Variants in PCDH15 observed in about 807,000 individuals in gnomAD.
PCDH15 encodes protocadherin-15.
In PCDH15, 129 loss-of-function variants were observed where a neutral mutation model predicts 178.5. The ratio of observed to expected loss-of-function variants is 0.72; its 90% CI spans 0.63 to 0.84. PCDH15 has a LOEUF of 0.84. PCDH15 is among the 40% of genes least tolerant of loss of function. The pLI, the probability that PCDH15 is intolerant of heterozygous loss-of-function variation, is 0.00. For synonymous variants in PCDH15, 800 were observed against 732.0 expected, an observed-to-expected ratio of 1.09 and a Z score of -1.50; for missense variants, 2,230 against 2,099.9, an observed-to-expected ratio of 1.06 and a Z score of -1.21.
chr10:54,333,590 A>T (rs1368864508), intron 6 of PCDH15, among the ~76,000 whole-genome samples: 1 of 151,930 alleles, frequency 6.6e-6, no homozygotes, highest in East Asian at 1.9e-4. Context: ...AAATTAAGCA[A>T]GGGAAAAAAG....
chr10:54,088,019 A>G (rs2094542459), intron 16 of PCDH15, among the ~76,000 whole-genome samples: 1 of 152,156 alleles, frequency 6.6e-6, no homozygotes, highest in African/African-American at 2.4e-5. Flanking sequence ...CTTCCCCAGA[A>G]GCAGAGCAGG....
chr10:53,901,163 A>ATT (rs80320280), intron 26 of PCDH15, among the ~76,000 whole-genome samples: 18 of 151,282 alleles, frequency 1.2e-4, no homozygotes, highest in East Asian at 5.9e-4. Flanking sequence ...TAGTCTTCGT[A>ATT]TTTTTTTTGT....
intron 6 of PCDH15, among the ~76,000 whole-genome samples, chr10:54,330,043 T>C (rs1214070185): frequency 2.6e-5 from 4 of 151,942 alleles, no homozygotes; most frequent in African/African-American, 9.7e-5. Flanking sequence ...CATTATCTTT[T>C]CACTGTGTTC....
At chr10:54,558,586 G>T (rs1312226346) in intron 2 of PCDH15, among the ~76,000 whole-genome samples, 1 of 152,046 alleles carries the variant, frequency 6.6e-6, no homozygotes, top group Non-Finnish European at 1.5e-5. Flanking sequence ...CTATATCATT[G>T]TCAAGGTGAT....
At chr10:54,827,067 T>C (rs964304665) in intron 3 of PCDH15, among the ~76,000 whole-genome samples, 1 of 152,060 alleles carries the variant, frequency 6.6e-6, no homozygotes, top group Non-Finnish European at 1.5e-5. Flanking sequence ...AGTGCACATA[T>C]GGGAATACAT....
chr10:55,462,636 T>A (rs1162902220), intron 2 of PCDH15, among the ~76,000 whole-genome samples: 1 of 152,142 alleles, frequency 6.6e-6, no homozygotes, highest in Non-Finnish European at 1.5e-5. Context: ...CATGTTCCTA[T>A]ATATATTGTG....
chr10:54,855,442 C>A (rs1159903614), intron 3 of PCDH15, among the ~76,000 whole-genome samples: 1 of 152,188 alleles, frequency 6.6e-6, no homozygotes, highest in East Asian at 1.9e-4. Context: ...TGATGGTTAG[C>A]CACTGTCATC....
intron 16 of PCDH15, among the ~76,000 whole-genome samples, chr10:54,087,937 C>T (rs989336332): frequency 6.6e-6 from 1 of 152,158 alleles, no homozygotes; most frequent in African/African-American, 2.4e-5. Context: ...CCTCTCTCTT[C>T]CTCCTGCTCA....
chr10:54,815,586 T>C (rs1952934383), intron 3 of PCDH15, among the ~76,000 whole-genome samples: 1 of 152,034 alleles, frequency 6.6e-6, no homozygotes, highest in African/African-American at 2.4e-5. Context: ...TAAAAAGTAA[T>C]CTCTTCAGGT....
chr10:54,232,919 T>G (rs1037556149), intron 9 of PCDH15, among the ~76,000 whole-genome samples: 1 of 149,090 alleles, frequency 6.7e-6, no homozygotes, highest in African/African-American at 2.5e-5. Context: ...TGTTTAGCTT[T>G]CTTTCTTTTT....
chr10:55,214,728 C>T (rs1840657593), intron 1 of PCDH15, among the ~76,000 whole-genome samples: 1 of 152,014 alleles, frequency 6.6e-6, no homozygotes, highest in Admixed American at 6.6e-5. Flanking sequence ...CCTCCCAACT[C>T]AGTCTCCAGA....
intron 1 of PCDH15, among the ~76,000 whole-genome samples, chr10:55,290,576 C>G (rs1842983644): frequency 6.6e-6 from 1 of 152,090 alleles, no homozygotes; most frequent in Non-Finnish European, 1.5e-5. Context: ...GTATCCAACT[C>G]CAACCTCTTT....
intron 24 of PCDH15, among the ~76,000 whole-genome samples, chr10:53,939,459 T>A (rs71490985): frequency 0.085 from 12,994 of 152,156 alleles, 593 homozygotes; most frequent in East Asian, 0.11. Context: ...GATAATTTAA[T>A]GTTGCCCTGT....
At chr10:55,529,986 A>G (rs970534850) in intron 2 of PCDH15, among the ~76,000 whole-genome samples, 7 of 151,518 alleles carry the variant, frequency 4.6e-5, no homozygotes, top group African/African-American at 9.7e-5. Context: ...ATTTTAAAGC[A>G]TAAAAAAACA....
intron 1 of PCDH15, among the ~76,000 whole-genome samples, chr10:55,288,342 T>G (rs1177887801): frequency 1.3e-5 from 2 of 151,452 alleles, no homozygotes; most frequent in African/African-American, 4.8e-5. Flanking sequence ...CAATCTCAAC[T>G]AAGCAAAGTA....
intron 15 of PCDH15, among the ~76,000 whole-genome samples, chr10:54,112,163 A>C (rs2095037718): frequency 6.6e-6 from 1 of 151,910 alleles, no homozygotes; most frequent in Admixed American, 6.6e-5. Flanking sequence ...ATAAATAAAT[A>C]AAATAAAGAT....
At chr10:55,216,830 G>A (rs556674523) in intron 1 of PCDH15, among the ~76,000 whole-genome samples, 16 of 151,864 alleles carry the variant, frequency 1.1e-4, no homozygotes, top group African/African-American at 3.1e-4. Flanking sequence ...GCTGTTTTCC[G>A]TCAGGTTGTC....
intron 5 of PCDH15, among the ~76,000 whole-genome samples, chr10:54,353,939 ATTAAGC>A (rs1465153437): frequency 6.6e-6 from 1 of 152,196 alleles, no homozygotes; most frequent in African/African-American, 2.4e-5. Context: ...CTGAGGAGCA[ATTAAGC>A]TTAAGTTGAA....
At chr10:54,993,343 G>T (rs1471702025) in intron 2 of PCDH15, among the ~76,000 whole-genome samples, 2 of 152,148 alleles carry the variant, frequency 1.3e-5, no homozygotes, top group African/African-American at 4.8e-5. Flanking sequence ...AGTACAGGTA[G>T]GTCATCTGCT....
Sources: gnomAD v4.1 joint callset for allele counts (sites outside exome capture counted in the v4.1 genomes callset) on GRCh38, gnomAD v4.1.1 for gene constraint, MANE v1.5 for transcripts, NCBI Gene and HGNC (gene_info 2026-07-23, HGNC 2026-07-21) for gene names.